ANK2: variants seen among roughly 807,000 people sequenced by gnomAD.
ANK2 encodes the protein ankyrin-2.
Under a neutral mutation model 360.5 loss-of-function variants are expected in ANK2, and 83 were observed. That is an observed-to-expected ratio of 0.23 (90% confidence interval 0.19 to 0.28). The LOEUF is 0.28. Ranked by LOEUF, ANK2 falls within the 10% of genes least tolerant of loss-of-function variation. ANK2 has a pLI of 1.00. For synonymous variants in ANK2, 1,740 were observed against 1,759.5 expected (o/e 0.99, Z 0.28); for missense variants, 4,201 against 4,795.7 (o/e 0.88, Z 3.66).
intron 1 of ANK2, among the ~76,000 whole-genome samples, chr4:112,900,654 T>G (rs2083059613): frequency 6.6e-6 from 1 of 152,148 alleles, no homozygotes; most frequent in Non-Finnish European, 1.5e-5. Flanking sequence ...TAACCCAACT[T>G]AACACTTTCC....
rs538175620 is a variant in ANK2, at chr4:113,314,289, G to A, written c.2693+2890G>A. 1.2e-4 allele frequency among the ~76,000 whole-genome samples: 19 copies of A among 152,196 alleles called. No individual in the cohort carries two copies. The South Asian group carries it at 3.9e-3, about 32-fold the overall frequency. The stretch of plus-strand genomic sequence containing the variant: ...TAAAGCAAATTTATTGAAAATTGTG[G>A]ATTTCTACTCGTTAAGTTTGCCACT... On this transcript the variant is annotated intron_variant, in intron 24 of 45. Transcript: ENST00000357077.
intron 1 of ANK2, among the ~76,000 whole-genome samples, chr4:113,110,456 A>T (rs2094166992): frequency 6.6e-6 from 1 of 152,290 alleles, no homozygotes; most frequent in Admixed American, 6.5e-5. Context: ...GTTTAGTTAA[A>T]CAACAGGTGC....
intron 1 of ANK2, among the ~76,000 whole-genome samples, chr4:113,087,226 T>A (rs1233022372): frequency 6.6e-6 from 1 of 152,096 alleles, no homozygotes; most frequent in African/African-American, 2.4e-5. Context: ...GAAAGAGTAT[T>A]TCAAACAGAG....
chr4:112,739,388 A>G, the ANK2 span, among the ~76,000 whole-genome samples: 4 of 152,122 alleles, frequency 2.6e-5, no homozygotes, highest in African/African-American at 9.7e-5. Context: ...AGGCTGAGGC[A>G]GGTGGATCAT....
chr4:113,187,008 C>G (rs2153321539), intron 2 of ANK2, among the ~76,000 whole-genome samples: 1 of 152,054 alleles, frequency 6.6e-6, no homozygotes, highest in African/African-American at 2.4e-5. Context: ...GAGCAAGAGC[C>G]CATAAAGGCA....
At chr4:113,315,013 TCTCTCTCTA>T (rs1410600138) in intron 24 of ANK2, among the ~76,000 whole-genome samples, 3 of 146,142 alleles carry the variant, frequency 2.1e-5, no homozygotes, top group East Asian at 2.0e-4. Context: ...CTAATATCTT[TCTCTCTCTA>T]CTCTAATCAA....
At position 113,330,484 on chromosome 4, in the gene ANK2, A is replaced by G. The variant is rs2153926498; in HGVS notation, c.3125+14A>G. On this transcript the variant is annotated intron_variant, in intron 27 of 45. Transcript: ENST00000357077. ...TCAGTTCCTTGGGTAAGGGTTTCTG[A>G]TAAACCTCCCACTTAGTCATCGATG... is the stretch of plus-strand genomic sequence containing the variant. 1 of 1,613,242 alleles carries G rather than the reference A, an allele frequency of 6.2e-7. No individual in the cohort carries two copies. Among genetic ancestry groups the G allele is most frequent in the Non-Finnish European group, 8.5e-7 (1 of 1,179,344 alleles).
rs986241114 is a variant in ANK2, at chr4:113,206,256, C to A, written c.384+7147C>A. ...CTGATGCTCTCTCTCCCCCTGCCCC[C>A]TGACAGGCCCCAGTGTGTGTTGTTC... On this transcript the variant is annotated intron_variant, in intron 4 of 45. Transcript: ENST00000357077. Among the ~76,000 whole-genome samples, 47 of 152,166 alleles carry A rather than the reference C, an allele frequency of 3.1e-4. 1 individual carries two copies. The highest frequency in any genetic ancestry group is 6.3e-4 in the Non-Finnish European group (43 of 68,036).
At chr4:113,242,545 A>G (rs1326952076) in intron 9 of ANK2, among the ~76,000 whole-genome samples, 2 of 152,196 alleles carry the variant, frequency 1.3e-5, no homozygotes, top group African/African-American at 4.8e-5. Context: ...CAAACTAATT[A>G]CCATACATTA....
At chr4:112,765,093 T>C in the ANK2 span, among the ~76,000 whole-genome samples, 1 of 152,224 alleles carries the variant, frequency 6.6e-6, no homozygotes, top group Non-Finnish European at 1.5e-5. Flanking sequence ...ACTGATGAAA[T>C]TGAGGTACTG....
chr4:112,924,130 G>A (rs1006391632), intron 2 of ANK2, among the ~76,000 whole-genome samples: 2 of 152,076 alleles, frequency 1.3e-5, no homozygotes, highest in African/African-American at 4.8e-5. Flanking sequence ...AGCACTTTGG[G>A]AGGCCGAGGC....
chr4:113,196,286 TGGG>T, intron 2 of ANK2, 79 bp from the exon 3 acceptor site: 1 of 1,042,786 alleles, frequency 9.6e-7, no homozygotes, highest in Non-Finnish European at 1.5e-6. Context: ...GTCTGTTCTC[TGGG>T]TTATATGCTT....
chr4:112,752,292 C>T, the ANK2 span, among the ~76,000 whole-genome samples: 1 of 152,242 alleles, frequency 6.6e-6, no homozygotes, highest in African/African-American at 2.4e-5. Flanking sequence ...AAGCACTCCA[C>T]TCACCCAGTC....
intron 2 of ANK2, among the ~76,000 whole-genome samples, chr4:113,021,518 A>ACACACACACC (rs1470200168): frequency 5.3e-5 from 4 of 76,012 alleles, no homozygotes; most frequent in East Asian, 6.2e-4. Flanking sequence ...GTGTATATAT[A>ACACACACACC]CACACACACA....
chr4:113,351,227 A>T (rs1418213130), intron 37 of ANK2, among the ~76,000 whole-genome samples: 1 of 152,170 alleles, frequency 6.6e-6, no homozygotes, highest in East Asian at 1.9e-4. Context: ...TGTATTTCAC[A>T]GTATATTCCC....
the ANK2 span, among the ~76,000 whole-genome samples, chr4:112,776,239 A>T: frequency 6.6e-6 from 1 of 152,222 alleles, no homozygotes; most frequent in South Asian, 2.1e-4. Context: ...AAACATACAA[A>T]TTTATTTAAT....
At chr4:113,257,385 C>T (rs1291502750) in intron 11 of ANK2, among the ~76,000 whole-genome samples, 1 of 152,154 alleles carries the variant, frequency 6.6e-6, no homozygotes, top group East Asian at 1.9e-4. Context: ...TTGCATTTAT[C>T]CCAGAAATTC....
At chr4:112,820,004 C>T (rs953918810) in intron 1 of ANK2, among the ~76,000 whole-genome samples, 2 of 152,202 alleles carry the variant, frequency 1.3e-5, no homozygotes, top group Non-Finnish European at 1.5e-5. Flanking sequence ...ACATGGATTC[C>T]TCGGTCACAA....
intron 9 of ANK2, among the ~76,000 whole-genome samples, chr4:113,246,037 C>G (rs2042701714): frequency 6.6e-6 from 1 of 152,188 alleles, no homozygotes; most frequent in South Asian, 2.1e-4. Context: ...CTCAGGTGAT[C>G]TGCCCGCCTT....
Sources: allele counts gnomAD v4.1 joint callset (sites outside exome capture counted in the v4.1 genomes callset), GRCh38; gene constraint gnomAD v4.1.1; transcripts MANE v1.5; gene names NCBI Gene and HGNC (gene_info 2026-07-23, HGNC 2026-07-21).